The following TSHZ3 variants were observed in gnomAD, a reference collection of about 807,000 sequenced individuals.
The protein encoded by TSHZ3 is teashirt homolog 3.
Under a neutral mutation model 64.5 loss-of-function variants are expected in TSHZ3, and 10 were observed. That is an observed-to-expected ratio of 0.16 (90% CI 0.10 to 0.26). The LOEUF is 0.26. Among genes scored for constraint, TSHZ3 ranks in the 10% least tolerant of loss-of-function variants. The pLI is 1.00. For missense variants in TSHZ3, 1,242 were observed against 1,421.7 expected, an observed-to-expected ratio of 0.87 and a Z score of 2.03; for synonymous variants, 608 against 593.1, an observed-to-expected ratio of 1.03 and a Z score of -0.36.
chr19:31,346,269 C>T (rs1419400050), intron 1 of TSHZ3, among the ~76,000 whole-genome samples: 1 of 152,086 alleles, frequency 6.6e-6, no homozygotes, highest in East Asian at 1.9e-4. Context: ...ATTAAAAGGG[C>T]CCTAATTCCT....
chr19:31,263,941 A>C (rs1280200421), intron 1 of TSHZ3, among the ~76,000 whole-genome samples: 1 of 152,242 alleles, frequency 6.6e-6, no homozygotes, highest in East Asian at 1.9e-4. Context: ...GGGGAGGCCC[A>C]TAGCTCCAGC....
At chr19:31,159,793 A>T (rs576144129) in intron 5 of TSHZ3, among the ~76,000 whole-genome samples, 1 of 152,154 alleles carries the variant, frequency 6.6e-6, no homozygotes, top group East Asian at 1.9e-4. Context: ...CCTGGGTTCA[A>T]GTGAACCTCT....
chr19:31,304,220 G>C (rs1015900868), intron 1 of TSHZ3, among the ~76,000 whole-genome samples: 1 of 152,178 alleles, frequency 6.6e-6, no homozygotes, highest in African/African-American at 2.4e-5. Flanking sequence ...TGATCTGCCT[G>C]CCTCGGCCTC....
chr19:31,343,784 T>G (rs564345184), intron 1 of TSHZ3, among the ~76,000 whole-genome samples: 5,608 of 150,422 alleles, frequency 0.037, 347 homozygotes, highest in African/African-American at 0.13. Context: ...GTTTTTTTTT[T>G]GTTTTTTTTT....
Position 31,229,374 on chromosome 19 carries a change from G to A in TSHZ3, n.551-1234C>T, listed in dbSNP as rs59211166. On this transcript the variant is annotated intron_variant and non_coding_transcript_variant, in intron 3 of 6. Transcript: ENST00000651361. ...GATGGGCAGGTAGAAAGAACATTAAGAATCTATTCCATAATAGGAGAGCTT... is the reference window on the plus strand; with the variant it reads ...GATGGGCAGGTAGAAAGAACATTAAAAATCTATTCCATAATAGGAGAGCTT... Among the ~76,000 whole-genome samples the A allele has an allele frequency of 4.1e-3, 629 of 152,302 alleles. 3 individuals carry two copies. The highest frequency in any genetic ancestry group is 0.013 in the African/African-American group (539 of 41,568).
In TSHZ3 at chr19:31,277,495, C is replaced by T. The variant is rs368908849; in HGVS notation, c.2298G>A (p.Pro766=). 47 of 1,608,614 alleles carry T rather than the reference C, an allele frequency of 2.9e-5. No individual in the cohort carries two copies. The highest frequency in any genetic ancestry group is 1.7e-4 in the Middle Eastern group (1 of 6,034). The change falls in exon 2 of 2, where the codon CCG becomes CCA. Residue 766 remains proline (P), a synonymous_variant. Coordinates refer to ENST00000240587, the MANE Select transcript of TSHZ3 (RefSeq NM_020856.4). The surrounding 1 kb of genome is among the most constrained non-coding windows in gnomAD (Gnocchi z 4.5). ...CTGCCTTCTTGGACTGCAGGGGCGG[C>T]GGGGTGGCCACAGCAGCCTTCTCCG... ...SLAEKAAVAT[P]PPLQSKKADH...
chr19:31,333,357 T>C (rs573090304), intron 1 of TSHZ3, among the ~76,000 whole-genome samples: 1 of 152,138 alleles, frequency 6.6e-6, no homozygotes, highest in African/African-American at 2.4e-5. Context: ...CCATTCCCCC[T>C]GCAGAAACGC....
intron 1 of TSHZ3, among the ~76,000 whole-genome samples, chr19:31,304,584 C>CT (rs1322239560): frequency 6.6e-6 from 1 of 152,088 alleles, no homozygotes; most frequent in East Asian, 1.9e-4. Flanking sequence ...TCATAAATTA[C>CT]TTTTTAGCAC....
At chr19:31,316,402 C>G (rs1412015906) in intron 1 of TSHZ3, among the ~76,000 whole-genome samples, 1 of 152,152 alleles carries the variant, frequency 6.6e-6, no homozygotes, top group Admixed American at 6.5e-5. Flanking sequence ...TAATGCTGCT[C>G]GGAGACTCTG....
At chr19:31,253,823 G>C (rs1975873661) in intron 1 of TSHZ3, among the ~76,000 whole-genome samples, 2 of 152,156 alleles carry the variant, frequency 1.3e-5, no homozygotes, top group Non-Finnish European at 2.9e-5. Flanking sequence ...TGTCCCTTCA[G>C]CAAAGGGACA....
At chr19:31,239,769 G>T (rs1336407152) in intron 3 of TSHZ3, among the ~76,000 whole-genome samples, 1 of 151,954 alleles carries the variant, frequency 6.6e-6, no homozygotes, top group Non-Finnish European at 1.5e-5. Context: ...AAATTGTGGA[G>T]ATGGGATCTC....
At chr19:31,162,788 G>A (rs542429407) in intron 5 of TSHZ3, among the ~76,000 whole-genome samples, 3 of 152,328 alleles carry the variant, frequency 2.0e-5, no homozygotes, top group African/African-American at 7.2e-5. Context: ...CCAAAGTAGG[G>A]AGGTAACAAG....
chr19:31,257,670 C>G (rs1049828318), intron 1 of TSHZ3, among the ~76,000 whole-genome samples: 1 of 146,662 alleles, frequency 6.8e-6, no homozygotes, highest in Non-Finnish European at 1.5e-5. Context: ...GATTGGCCGG[C>G]TGCACGGGAC....
intron 5 of TSHZ3, among the ~76,000 whole-genome samples, chr19:31,193,216 C>G (rs545707528): frequency 6.6e-6 from 1 of 152,112 alleles, no homozygotes; most frequent in Non-Finnish European, 1.5e-5. Flanking sequence ...ACATATGACG[C>G]GACATATCTG....
At chr19:31,325,482 C>T (rs996967721) in intron 1 of TSHZ3, among the ~76,000 whole-genome samples, 3 of 152,148 alleles carry the variant, frequency 2.0e-5, no homozygotes, top group African/African-American at 7.2e-5. Context: ...CTTCTGGGTG[C>T]CTGCTGAGCG....
intron 1 of TSHZ3, among the ~76,000 whole-genome samples, chr19:31,263,291 C>T (rs1026209487): frequency 1.7e-4 from 26 of 152,132 alleles, no homozygotes; most frequent in African/African-American, 6.3e-4. Context: ...TAGGACAGGT[C>T]ATTTTCATGG....
intron 4 of TSHZ3, among the ~76,000 whole-genome samples, chr19:31,206,446 GA>G (rs1568347810): frequency 2.6e-5 from 4 of 152,140 alleles, no homozygotes; most frequent in African/African-American, 9.7e-5. Flanking sequence ...AGCAAAGCAA[GA>G]GACACCAAAA....
rs534137566 is a variant in TSHZ3 at position 31,151,806 on chromosome 19, C to T, written n.872-62G>A. ...CTCGTGAAATTCAGGCTGAGACTGG[C>T]GTTATCAATGGCCTGGAGCTTGCAA... On this transcript the variant is annotated intron_variant and non_coding_transcript_variant, in intron 6 of 6. Coordinates refer to the TSHZ3 transcript ENST00000651361. 7.9e-5 allele frequency among the ~76,000 whole-genome samples: 12 copies of T among 152,224 alleles called. 1 individual carries two copies. The South Asian group carries it at 8.3e-4, about 11-fold the overall frequency.
chr19:31,209,675 T>A (rs971550420), intron 4 of TSHZ3, among the ~76,000 whole-genome samples: 4 of 152,166 alleles, frequency 2.6e-5, no homozygotes, highest in Non-Finnish European at 5.9e-5. Flanking sequence ...TCTGAGGCAG[T>A]GCTAGGAAAG....
Sources: allele counts gnomAD v4.1 joint callset (sites outside exome capture counted in the v4.1 genomes callset), GRCh38; gene constraint gnomAD v4.1.1; non-coding constraint Gnocchi (gnomAD v3.1); transcripts MANE v1.5; gene names NCBI Gene and HGNC (gene_info 2026-07-23, HGNC 2026-07-21).